Variants in TRIML1 observed in about 807,000 individuals in gnomAD.
The protein encoded by TRIML1 is tripartite motif family like 1, also known as probable E3 ubiquitin-protein ligase TRIML1.
A neutral mutation model predicts 32.3 loss-of-function variants in TRIML1; 34 were observed. That is an observed-to-expected ratio of 1.05 (90% CI 0.80 to 1.40). The LOEUF is 1.40. TRIML1 is among the 40% of genes most tolerant of loss of function. TRIML1 has a pLI of 0.00. For missense variants in TRIML1, 595 were observed against 574.9 expected (o/e 1.03, Z -0.36); for synonymous variants, 244 against 226.6 (o/e 1.08, Z -0.69).
upstream of TRIML1, among the ~76,000 whole-genome samples, chr4:188,139,127 A>G (rs766107301): frequency 6.6e-6 from 1 of 152,214 alleles, no homozygotes; most frequent in Non-Finnish European, 1.5e-5. Flanking sequence ...TTCAGATATT[A>G]TTAGAGATCA....
Position 188,147,665 on chromosome 4 carries a change from T to G in TRIML1, c.*293T>G, listed in dbSNP as rs887450544. ...CTCAAATATTGAGCCCCTATTACCA[T>G]GAATCCTACTGCCATAGGCCAGATT... On this transcript the variant is annotated 3_prime_UTR_variant, in exon 6 of 6. Transcript: ENST00000332517. 1.0e-5 allele frequency: 3 copies of G among 295,992 alleles called. No homozygotes were observed. The highest frequency in any genetic ancestry group is 6.5e-5 in the African/African-American group (3 of 46,378). The allele number at this position is 295,992 out of a possible 1,614,324, so 18.3% of individuals were successfully genotyped here. A position where few individuals can be genotyped will look rare whatever the true frequency, so the allele number is the denominator to read the frequency against.
Position 188,147,526 on chromosome 4 carries a change from AT to A in TRIML1, c.*156del. On this transcript the variant is annotated 3_prime_UTR_variant, in exon 6 of 6. Coordinates refer to ENST00000332517, the MANE Select transcript of TRIML1 (RefSeq NM_178556.5). ...CAAGAGTTTCCATTAACTTGATCCC[AT>A]TATGAACAGCCACATTACACAATCA... 1 of 506,002 alleles carries A rather than the reference AT, an allele frequency of 2.0e-6. No homozygotes were observed. Among genetic ancestry groups the A allele is most frequent in the Non-Finnish European group, 3.2e-6 (1 of 315,166 alleles). 31.3% of individuals were successfully genotyped at this position (506,002 alleles called of 1,614,324 possible).
rs1283113991 is a variant in TRIML1, at chr4:188,139,499, G to A, written c.-60G>A. Reference sequence around the variant, plus strand: ...TTACTCAAAACTGTAGGACGGCAGTGAGGGCTTTGCTAATCCCAGAACAGA... The same window carrying A: ...TTACTCAAAACTGTAGGACGGCAGTAAGGGCTTTGCTAATCCCAGAACAGA... On this transcript the variant is annotated 5_prime_UTR_variant, in exon 1 of 6. Transcript: ENST00000332517. The A allele has an allele frequency of 1.7e-5, 25 of 1,502,660 alleles. No homozygotes were observed. In the Admixed American group the frequency reaches 2.6e-4, roughly 16 times the overall value. The allele number at this position is 1,502,660 out of a possible 1,614,324, so 93.1% of individuals were successfully genotyped here.
rs777431860 is a variant in TRIML1, at chr4:188,147,395, A to T, written c.*23A>T. The T allele has an allele frequency of 1.4e-6, 2 of 1,459,188 alleles. No homozygotes were observed. Among genetic ancestry groups the T allele is most frequent in the East Asian group, 4.7e-5 (2 of 42,174 alleles). 90.4% of individuals were successfully genotyped at this position (1,459,188 alleles called of 1,614,324 possible). On this transcript the variant is annotated 3_prime_UTR_variant, in exon 6 of 6. Coordinates refer to ENST00000332517, the MANE Select transcript of TRIML1 (RefSeq NM_178556.5). ...TGAGGGGCGTGCCCTGAGCCGTCAC[A>T]GCGGGCGATGTCTGAGACCAAGACA...
chr4:188,138,098 C>A (rs755279441), upstream of TRIML1, among the ~76,000 whole-genome samples: 1 of 151,926 alleles, frequency 6.6e-6, no homozygotes, highest in Non-Finnish European at 1.5e-5. Context: ...AGCTTAAATT[C>A]TCATCCTAGC....
At chr4:188,150,430 C>T (rs1278116950), downstream of TRIML1, among the ~76,000 whole-genome samples, 2 of 152,126 alleles carry the variant, frequency 1.3e-5, no homozygotes, top group Non-Finnish European at 2.9e-5. Context: ...CACCTGGGCC[C>T]CACTTATTAG....
chr4:188,144,694 T>A (rs1735003242), intron 5 of TRIML1, among the ~76,000 whole-genome samples: 2 of 152,004 alleles, frequency 1.3e-5, no homozygotes, highest in Non-Finnish European at 2.9e-5. Context: ...GTTTTGTCAT[T>A]GTCTTTTCCA....
At chr4:188,148,570 G>A (rs1735167221), downstream of TRIML1, among the ~76,000 whole-genome samples, 2 of 152,080 alleles carry the variant, frequency 1.3e-5, no homozygotes, top group East Asian at 1.9e-4. Flanking sequence ...GTCTGCATTA[G>A]GCTCGCTGTC....
chr4:188,150,758 C>T (rs948772548), downstream of TRIML1, among the ~76,000 whole-genome samples: 14 of 151,290 alleles, frequency 9.3e-5, no homozygotes, highest in African/African-American at 3.2e-4. Context: ...CAGGGCCTGC[C>T]ACTGATGAGG....
At position 188,145,408 on chromosome 4, in the gene TRIML1, T is replaced by C. The variant is rs181151996; in HGVS notation, c.856+1275T>C. Among the ~76,000 whole-genome samples, 36 of 129,050 alleles carry C rather than the reference T, an allele frequency of 2.8e-4. No homozygotes were observed. The East Asian group carries it at 5.2e-3, about 19-fold the overall frequency. 84.7% of individuals were successfully genotyped at this position (129,050 alleles called of 152,430 possible). A position where few individuals can be genotyped will look rare whatever the true frequency, so the allele number is the denominator to read the frequency against. On this transcript the variant is annotated intron_variant, in intron 5 of 5. Transcript: ENST00000332517. ...AGTGAGCAGAGATGGCGCCATTGCA[T>C]TCCAGCCTGGGCGACAGAGCGAGAC... is the stretch of plus-strand genomic sequence containing the variant.
In TRIML1 at chr4:188,146,919, C is replaced by A; in HGVS notation, c.954C>A (p.Pro318=). 1 of 1,494,554 alleles carries A rather than the reference C, an allele frequency of 6.7e-7. No individual in the cohort carries two copies. The allele number at this position is 1,494,554 out of a possible 1,614,324, so 92.6% of individuals were successfully genotyped here. Residue 318 remains proline (P), a synonymous_variant, in exon 6 of 6, where the codon CCC becomes CCA. Transcript: ENST00000332517. The part of the protein sequence containing the change: ...VKYGGSRQQL[P]DNPERFDQSA... ...ATGGGGGAAGCAGACAGCAGCTACC[C>A]GACAACCCGGAAAGATTTGACCAGT...
downstream of TRIML1, among the ~76,000 whole-genome samples, chr4:188,148,901 C>CTTTTT (rs34415263): frequency 1.6e-4 from 10 of 63,782 alleles, no homozygotes; most frequent in Non-Finnish European, 2.3e-4. Flanking sequence ...CGTGCCCAGG[C>CTTTTT]TTTTTTTTTT....
intron 5 of TRIML1, among the ~76,000 whole-genome samples, chr4:188,144,707 C>A (rs1021559107): frequency 6.6e-6 from 1 of 152,094 alleles, no homozygotes. Context: ...CTTTTCCATC[C>A]CCCCCTTGCA....
At chr4:188,144,190 C>T in intron 5 of TRIML1, 57 bp downstream of exon 5, 2 of 1,431,086 alleles carry the variant, frequency 1.4e-6, no homozygotes, top group Non-Finnish European at 9.7e-7. Flanking sequence ...TTCAGCATAC[C>T]TTCTTCCAGT....
upstream of TRIML1, among the ~76,000 whole-genome samples, chr4:188,138,423 G>A (rs1339144534): frequency 1.3e-5 from 2 of 152,056 alleles, no homozygotes; most frequent in Non-Finnish European, 2.9e-5. Flanking sequence ...TGATGAGTTC[G>A]TGGGAAGGTC....
chr4:188,140,521 A>G lies in TRIML1; in HGVS notation c.409-7A>G. 2 of 1,612,012 alleles carry G rather than the reference A, an allele frequency of 1.2e-6. No homozygotes were observed. Among genetic ancestry groups the G allele is most frequent in the Non-Finnish European group, 1.7e-6 (2 of 1,178,274 alleles). On this transcript the variant is annotated splice_region_variant and splice_polypyrimidine_tract_variant and intron_variant, in intron 1 of 5. Transcript: ENST00000332517. ...CATTTGCCAGAAAGGGTTTGTTTCT[A>G]TTGCAGGAGAAACTCCAGGAAATCC...
chr4:188,138,551 AT>A (rs1263954076), upstream of TRIML1, among the ~76,000 whole-genome samples: 1 of 152,086 alleles, frequency 6.6e-6, no homozygotes, highest in Non-Finnish European at 1.5e-5. Context: ...AATTTGTGGC[AT>A]TTGTTACCAA....
chr4:188,144,566 G>T (rs75980766), intron 5 of TRIML1, among the ~76,000 whole-genome samples: 22,589 of 143,070 alleles, frequency 0.16, 2,818 homozygotes, highest in Middle Eastern at 0.2. Context: ...GTTTCACTGT[G>T]TTAGCCAGGA....
intron 2 of TRIML1, chr4:188,140,943 A>G (rs556386285): frequency 5.4e-6 from 1 of 185,664 alleles, no homozygotes; most frequent in African/African-American, 2.3e-5. Context: ...GCGATTTTAA[A>G]AAGAAATATC....
Sources: allele counts gnomAD v4.1 joint callset (sites outside exome capture counted in the v4.1 genomes callset), GRCh38; gene constraint gnomAD v4.1.1; transcripts MANE v1.5; gene names NCBI Gene and HGNC (gene_info 2026-07-23, HGNC 2026-07-21).